The following LHFPL5 variants were observed in gnomAD, a reference collection of about 807,000 sequenced individuals.
LHFPL5 encodes LHFPL tetraspan subfamily member 5 protein.
A neutral mutation model predicts 18.7 loss-of-function variants in LHFPL5; 12 were observed. The ratio of observed to expected loss-of-function variants is 0.64; its 90% CI spans 0.41 to 1.04. The LOEUF is 1.04. Ranked by LOEUF, LHFPL5 falls within the 50% of genes least tolerant of loss-of-function variation. The pLI, the probability that LHFPL5 is intolerant of heterozygous loss-of-function variation, is 0.00. For synonymous variants in LHFPL5, 111 were observed against 120.2 expected, an observed-to-expected ratio of 0.92 and a Z score of 0.50; for missense variants, 259 against 292.1, an observed-to-expected ratio of 0.89 and a Z score of 0.83.
intron 1 of LHFPL5, among the ~76,000 whole-genome samples, chr6:35,808,314 T>TAA (rs1554146785): frequency 4.8e-5 from 7 of 145,592 alleles, no homozygotes; most frequent in South Asian, 4.3e-4. Context: ...TATATATATA[T>TAA]AAATTAAAAA....
Position 35,823,337 on chromosome 6 carries a change from G to C in LHFPL5, c.*372G>C, listed in dbSNP as rs1482921045. ...GAGGGCTAAATGGGTCCATCTCTAG[G>C]GGCCTTCCCTCCCAGGTCTGTGTCT... On this transcript the variant is annotated 3_prime_UTR_variant, in exon 4 of 4. Coordinates refer to ENST00000360215, the MANE Select transcript of LHFPL5 (RefSeq NM_182548.4). The C allele has an allele frequency of 6.6e-6, 1 of 150,554 alleles. No individual in the cohort carries two copies. The allele number at this position is 150,554 out of a possible 1,614,324, so 9.3% of individuals were successfully genotyped here. A position where few individuals can be genotyped will look rare whatever the true frequency, so the allele number is the denominator to read the frequency against.
At chr6:35,811,138 CAT>C (rs1157877358) in intron 1 of LHFPL5, 1 of 152,214 alleles carries the variant, frequency 6.6e-6, no homozygotes, top group Non-Finnish European at 1.5e-5. Context: ...TCTCTGCTCA[CAT>C]GTCATTGGCC....
In LHFPL5 at chr6:35,819,166, C is replaced by T. The variant is rs150560669; in HGVS notation, c.650-271C>T. ...TTTTTATATCACCCATCTGCCCAAC[C>T]AATAACAGCTAATGTGCTTCAGCTG... On this transcript the variant is annotated intron_variant, in intron 2 of 3. Coordinates refer to ENST00000360215, the MANE Select transcript of LHFPL5 (RefSeq NM_182548.4). Among the ~76,000 whole-genome samples, 376 of 152,206 alleles carry T rather than the reference C, an allele frequency of 2.5e-3. 2 individuals are homozygous for T. In the Middle Eastern group the frequency reaches 0.027, roughly 11 times the overall value.
intron 2 of LHFPL5, among the ~76,000 whole-genome samples, chr6:35,816,003 C>T (rs942399500): frequency 3.3e-5 from 5 of 152,104 alleles, no homozygotes; most frequent in African/African-American, 1.2e-4. Context: ...AACCCCATCT[C>T]TACTAAAAAT....
Position 35,806,049 on chromosome 6 carries a change from T to A in LHFPL5, c.379T>A (p.Tyr127Asn). 6.2e-7 allele frequency: 1 copy of A among 1,614,164 alleles called. No homozygotes were observed. The highest frequency in any genetic ancestry group is 8.5e-7 in the Non-Finnish European group (1 of 1,180,030). Residue 127 changes from tyrosine (Y) to asparagine (N), a missense_variant, in exon 1 of 4, where the codon TAT becomes AAT. Physicochemically the swap from Tyr to Asn is moderately radical, Grantham distance 143. Coordinates refer to ENST00000360215, the MANE Select transcript of LHFPL5 (RefSeq NM_182548.4). ...LFFICNTATV[Y>N]KICAWMQLAA... Reference sequence around the variant, plus strand: ...CTTCATCTGCAACACGGCCACAGTCTATAAGATCTGTGCATGGATGCAGCT... The same window carrying A: ...CTTCATCTGCAACACGGCCACAGTCAATAAGATCTGTGCATGGATGCAGCT...
chr6:35,816,127 C>A (rs1411852208), intron 2 of LHFPL5, among the ~76,000 whole-genome samples: 4 of 149,104 alleles, frequency 2.7e-5, no homozygotes, highest in Non-Finnish European at 4.4e-5. Context: ...GCCGAGATTG[C>A]GCCACTGCAG....
Position 35,812,305 on chromosome 6 carries a change from A to T in LHFPL5, c.413-2241A>T, listed in dbSNP as rs1359901436. On this transcript the variant is annotated intron_variant, in intron 1 of 3. Transcript: ENST00000360215. ...AGCAGGGAAGGTAACTTTAGGCCTG[A>T]AGAGGTGCTTTTCTGAGGGTCTCCT... Among the ~76,000 whole-genome samples, 5 of 152,308 alleles carry T rather than the reference A, an allele frequency of 3.3e-5. No individual in the cohort carries two copies. In the East Asian group the frequency reaches 7.7e-4, roughly 24 times the overall value.
At chr6:35,816,571 G>T (rs879385935) in intron 2 of LHFPL5, among the ~76,000 whole-genome samples, 1 of 151,970 alleles carries the variant, frequency 6.6e-6, no homozygotes, top group Non-Finnish European at 1.5e-5. Context: ...CAGCGCTCTG[G>T]GAGGCCAAGG....
chr6:35,816,981 C>A (rs1039680020), intron 2 of LHFPL5, among the ~76,000 whole-genome samples: 1 of 151,882 alleles, frequency 6.6e-6, no homozygotes, highest in African/African-American at 2.4e-5. Flanking sequence ...TACCTCACAC[C>A]ATATACAAAA....
rs17852586 is a variant in LHFPL5 at position 35,814,781 on chromosome 6, C to T, written c.648C>T (p.Thr216=). 6.8e-5 allele frequency: 110 copies of T among 1,612,778 alleles called. No individual in the cohort carries two copies. Among genetic ancestry groups the T allele is most frequent in the Non-Finnish European group, 8.5e-5 (100 of 1,178,944 alleles). Residue 216 remains threonine (T), a splice_region_variant and synonymous_variant, in exon 2 of 4, where the codon ACC becomes ACT. Coordinates refer to ENST00000360215, the MANE Select transcript of LHFPL5 (RefSeq NM_182548.4). This position sits in a 1 kb window ranked among gnomAD's most constrained non-coding sequence, Gnocchi z 4.2. ...CTGACGACTACAAGGCAGATGGAAC[C>T]GGTAATCACCCAACTCCACAATGGT... The part of the protein sequence containing the change: ...LLPDDYKADG[T]EEV
chr6:35,805,795 C>G lies in LHFPL5; in HGVS notation c.125C>G (p.Ala42Gly), dbSNP rs779993352. 5 of 1,614,230 alleles carry G rather than the reference C, an allele frequency of 3.1e-6. No homozygotes were observed. In the East Asian group the frequency reaches 1.1e-4, roughly 36 times the overall value. ...ATCTGCTTCTCCGTACTGGTCATGGCCCTCTTCATCCAGCCCTACTGGATC... is the reference window on the plus strand; with the variant it reads ...ATCTGCTTCTCCGTACTGGTCATGGGCCTCTTCATCCAGCCCTACTGGATC... ...LTICFSVLVM[A>G]LFIQPYWIGD... The change falls in exon 1 of 4, where the codon GCC becomes GGC. Residue 42 changes from alanine to glycine, a missense_variant. Coordinates refer to ENST00000360215, the MANE Select transcript of LHFPL5 (RefSeq NM_182548.4). The surrounding 1 kb of genome is among the most constrained non-coding windows in gnomAD (Gnocchi z 4.3).
rs1768895184 is a variant in LHFPL5 at position 35,823,055 on chromosome 6, T to G, written c.*90T>G. 6.6e-6 allele frequency: 1 copy of G among 152,186 alleles called. No individual in the cohort carries two copies. 9.4% of individuals were successfully genotyped at this position (152,186 alleles called of 1,614,324 possible). On this transcript the variant is annotated 3_prime_UTR_variant, in exon 4 of 4. Transcript: ENST00000360215. ...AGATAAGAACTTGTTCTTCCAAGTT[T>G]CCTTGTTCCTGGCTACTATAGGCCT... is the stretch of plus-strand genomic sequence containing the variant.
intron 2 of LHFPL5, among the ~76,000 whole-genome samples, chr6:35,817,376 A>T (rs185501751): frequency 1.7e-4 from 26 of 151,970 alleles, no homozygotes; most frequent in East Asian, 7.7e-4. Context: ...TAAAATTTAA[A>T]TTTTTTTTTG....
chr6:35,814,794 A>C lies in LHFPL5; in HGVS notation c.649+12A>C, dbSNP rs1284679379. 1.9e-6 allele frequency: 3 copies of C among 1,607,282 alleles called. No individual in the cohort carries two copies. The highest frequency in any genetic ancestry group is 2.6e-6 in the Non-Finnish European group (3 of 1,174,196). Reference sequence around the variant, plus strand: ...GGCAGATGGAACCGGTAATCACCCAACTCCACAATGGTGTCCCCTGCCTGG... The same window carrying C: ...GGCAGATGGAACCGGTAATCACCCACCTCCACAATGGTGTCCCCTGCCTGG... On this transcript the variant is annotated intron_variant, in intron 2 of 3. Transcript: ENST00000360215. The surrounding 1 kb of genome is among the most constrained non-coding windows in gnomAD (Gnocchi z 4.2).
chr6:35,823,704 G>A lies in LHFPL5; in HGVS notation c.*739G>A, dbSNP rs367677607. The A allele has an allele frequency of 6.6e-6, 1 of 152,018 alleles. No individual in the cohort carries two copies. The highest frequency in any genetic ancestry group is 2.4e-5 in the African/African-American group (1 of 41,394). The allele number at this position is 152,018 out of a possible 1,614,324, so 9.4% of individuals were successfully genotyped here. A position where few individuals can be genotyped will look rare whatever the true frequency, so the allele number is the denominator to read the frequency against. ...CCACCAGGAAGTTTTATGAAGAGTG[G>A]GTGATAGGATCTAAAATCTCTGCAG... On this transcript the variant is annotated 3_prime_UTR_variant, in exon 4 of 4. Coordinates refer to ENST00000360215, the MANE Select transcript of LHFPL5 (RefSeq NM_182548.4).
intron 1 of LHFPL5, 151 bp downstream of exon 1, chr6:35,806,233 G>A: frequency 1.2e-6 from 1 of 848,916 alleles, no homozygotes; most frequent in Non-Finnish European, 1.8e-6. Context: ...AAGATTCTGA[G>A]GAGTTGAGAA....
chr6:35,817,962 AT>A (rs1033778513), intron 2 of LHFPL5, among the ~76,000 whole-genome samples: 3 of 152,246 alleles, frequency 2.0e-5, no homozygotes, highest in Non-Finnish European at 4.4e-5. Flanking sequence ...TTTTTAGTAT[AT>A]TCCATCTCCT....
intron 1 of LHFPL5, among the ~76,000 whole-genome samples, chr6:35,811,865 G>T (rs749622357): frequency 6.6e-5 from 10 of 152,224 alleles, no homozygotes; most frequent in Non-Finnish European, 1.5e-4. Flanking sequence ...CACTGAACAC[G>T]TAGGAAGTCT....
chr6:35,818,338 TATATATATATGTA>T (rs1408063212), intron 2 of LHFPL5, among the ~76,000 whole-genome samples: 2,438 of 14,800 alleles, frequency 0.16, 60 homozygotes, highest in South Asian at 0.34. Flanking sequence ...TATATATATA[TATATATATATGTA>T]TTTTTTTTTT....
Sources: allele counts gnomAD v4.1 joint callset (sites outside exome capture counted in the v4.1 genomes callset), GRCh38; gene constraint gnomAD v4.1.1; non-coding constraint Gnocchi (gnomAD v3.1); transcripts MANE v1.5; gene names NCBI Gene and HGNC (gene_info 2026-07-23, HGNC 2026-07-21).